GALNT8: variants seen among roughly 807,000 people sequenced by gnomAD.
GALNT8 encodes probable polypeptide N-acetylgalactosaminyltransferase 8.
A neutral mutation model predicts 62.7 loss-of-function variants in GALNT8; 66 were observed. That is an observed-to-expected ratio of 1.05 (90% CI 0.86 to 1.29). GALNT8 has a LOEUF of 1.29. GALNT8 is among the 50% of genes most tolerant of loss of function. GALNT8 has a pLI of 0.00. For missense variants in GALNT8, 771 were observed against 791.8 expected (o/e 0.97, Z 0.32); for synonymous variants, 288 against 294.3 (o/e 0.98, Z 0.22).
Position 4,772,606 on chromosome 12 carries a change from T to C in GALNT8, c.*9T>C, listed in dbSNP as rs368978709. ...AGACCAACAGCCAGTGATCCTCAGA[T>C]GGTGCTGGATCTGGGTCATCAATTC... On this transcript the variant is annotated 3_prime_UTR_variant, in exon 11 of 11. Coordinates refer to ENST00000252318, the MANE Select transcript of GALNT8 (RefSeq NM_017417.2). The C allele has an allele frequency of 1.6e-5, 26 of 1,607,698 alleles. No homozygotes were observed. The African/African-American group carries it at 2.9e-4, about 18-fold the overall frequency.
At chr12:4,748,253 G>C (rs1480945366) in intron 6 of GALNT8, among the ~76,000 whole-genome samples, 6 of 152,006 alleles carry the variant, frequency 3.9e-5, no homozygotes, top group African/African-American at 1.2e-4. Context: ...TGTTTGTATT[G>C]GTTGCCTGTG....
At chr12:4,760,781 A>T (rs1487156978) in intron 6 of GALNT8, among the ~76,000 whole-genome samples, 177 bp from the exon 7 acceptor site, 1 of 152,186 alleles carries the variant, frequency 6.6e-6, no homozygotes, top group Non-Finnish European at 1.5e-5. Context: ...AGTTCAGTAG[A>T]CTTCTAAGGA....
chr12:4,739,910 G>T (rs1161147433), intron 3 of GALNT8, among the ~76,000 whole-genome samples: 1 of 151,976 alleles, frequency 6.6e-6, no homozygotes, highest in African/African-American at 2.4e-5. Flanking sequence ...CTCGTGATCC[G>T]CCCGCCTCGG....
At chr12:4,758,637 TGAGA>T (rs60343127) in intron 6 of GALNT8, among the ~76,000 whole-genome samples, 108 of 59,716 alleles carry the variant, frequency 1.8e-3, no homozygotes, top group African/African-American at 2.6e-3. Flanking sequence ...TGTGTGTGTG[TGAGA>T]GAGAGAGAGA....
intron 6 of GALNT8, among the ~76,000 whole-genome samples, chr12:4,752,099 GGAAT>G (rs1216969261): frequency 2.6e-5 from 4 of 151,934 alleles, no homozygotes; most frequent in Non-Finnish European, 5.9e-5. Flanking sequence ...CCATTGGTAT[GGAAT>G]ATCTTTTTCC....
chr12:4,726,840 C>T lies in GALNT8; in HGVS notation c.509+11C>T, dbSNP rs779908797. On this transcript the variant is annotated intron_variant, in intron 2 of 10. Transcript: ENST00000252318. This position sits in a 1 kb window ranked among gnomAD's most constrained non-coding sequence, Gnocchi z 4.1. ...CACGCGAGACTACAGGTGGGATGAA[C>T]CAGGCTTGGGCTTCTAGGGTCCTCA... is the stretch of plus-strand genomic sequence containing the variant. 2 of 1,601,102 alleles carry T rather than the reference C, an allele frequency of 1.2e-6. No individual in the cohort carries two copies. The highest frequency in any genetic ancestry group is 1.1e-5 in the South Asian group (1 of 88,922).
chr12:4,753,333 C>T (rs1013949896), intron 6 of GALNT8, among the ~76,000 whole-genome samples: 2 of 152,244 alleles, frequency 1.3e-5, no homozygotes, highest in Non-Finnish European at 2.9e-5. Flanking sequence ...TTTCTAGATG[C>T]TGTAGGCGTG....
chr12:4,766,497 G>A (rs987124078), intron 10 of GALNT8, among the ~76,000 whole-genome samples: 4 of 152,178 alleles, frequency 2.6e-5, no homozygotes, highest in African/African-American at 9.7e-5. Flanking sequence ...CAGAGGGTGT[G>A]GAATACTATG....
chr12:4,769,103 C>G (rs1946412079), intron 10 of GALNT8, among the ~76,000 whole-genome samples: 1 of 152,114 alleles, frequency 6.6e-6, no homozygotes, highest in Non-Finnish European at 1.5e-5. Flanking sequence ...TAGTGTGCCA[C>G]TGAAATAAGG....
At position 4,720,813 on chromosome 12, in the gene GALNT8, C is replaced by T. The variant is rs753293598; in HGVS notation, c.136C>T (p.Pro46Ser). ...LFTGGLHREL[P>S]LHLNKRYGAV... ...TACGGGTGGTCTCCACAGGGAGCTT[C>T]CTTTACATCTGAATAAACGCTACGG... Residue 46 changes from proline (P) to serine (S), a missense_variant, in exon 1 of 11, where the codon CCT becomes TCT. Transcript: ENST00000252318. 1.9e-6 allele frequency: 3 copies of T among 1,612,066 alleles called. No homozygotes were observed. In the South Asian group the frequency reaches 3.3e-5, roughly 18 times the overall value.
At chr12:4,746,787 G>A (rs373041899) in intron 6 of GALNT8, among the ~76,000 whole-genome samples, 28 of 152,198 alleles carry the variant, frequency 1.8e-4, no homozygotes, top group Admixed American at 2.6e-4. Flanking sequence ...GGCCAGTTAC[G>A]GTGGCTCACA....
chr12:4,763,852 G>C (rs1387352465), intron 8 of GALNT8, 100 bp from the exon 9 acceptor site: 2 of 728,296 alleles, frequency 2.7e-6, no homozygotes, highest in East Asian at 5.1e-5. Flanking sequence ...GGTCGTTCCT[G>C]GTGTCCTCGG....
intron 6 of GALNT8, among the ~76,000 whole-genome samples, chr12:4,758,560 A>G (rs1404525224): frequency 1.3e-5 from 2 of 150,800 alleles, no homozygotes; most frequent in African/African-American, 4.9e-5. Context: ...TTAGGACAGC[A>G]TATGGCACAA....
In GALNT8 at chr12:4,765,391, C is replaced by T. The variant is rs1395176251; in HGVS notation, c.1606C>T (p.His536Tyr). ...TTTTTTTTTTTAGAATGTCTACTAT[C>T]ACCTAACTGGGGAGCTCTATGTGGG... is the stretch of plus-strand genomic sequence containing the variant. Reference protein sequence around the residue: ...HEFSSQNVYYHLTGELYVGQL... With the variant: ...HEFSSQNVYYYLTGELYVGQL... Residue 536 changes from histidine to tyrosine, a missense_variant, in exon 10 of 11, where the codon CAC (histidine) becomes TAC (tyrosine). Coordinates refer to ENST00000252318, the MANE Select transcript of GALNT8 (RefSeq NM_017417.2). 4.3e-6 allele frequency: 4 copies of T among 938,878 alleles called. No individual in the cohort carries two copies. Among genetic ancestry groups the T allele is most frequent in the Non-Finnish European group, 3.2e-6 (2 of 620,266 alleles). The allele number at this position is 938,878 out of a possible 1,614,324, so 58.2% of individuals were successfully genotyped here. A position where few individuals can be genotyped will look rare whatever the true frequency, so the allele number is the denominator to read the frequency against.
At chr12:4,762,031 T>C (rs900332483) in intron 7 of GALNT8, among the ~76,000 whole-genome samples, 2 of 152,170 alleles carry the variant, frequency 1.3e-5, no homozygotes, top group Admixed American at 6.5e-5. Context: ...ATTGTAAAAA[T>C]GTGCAGAAAT....
intron 4 of GALNT8, among the ~76,000 whole-genome samples, chr12:4,744,952 C>T (rs1160903421): frequency 1.3e-5 from 2 of 152,168 alleles, no homozygotes; most frequent in African/African-American, 4.8e-5. Flanking sequence ...TAAGTCACTT[C>T]ACTTAACTAG....
At chr12:4,770,860 C>T (rs562114343) in intron 10 of GALNT8, among the ~76,000 whole-genome samples, 2 of 152,098 alleles carry the variant, frequency 1.3e-5, no homozygotes, top group Admixed American at 6.5e-5. Context: ...CTTCTAATAT[C>T]GTGACATTTG....
At position 4,763,407 on chromosome 12, in the gene GALNT8, T is replaced by G. The variant is rs1342744307; in HGVS notation, c.1497+17T>G. ...TATGGAAGAGTATGTATTATGAAATTGCACTTTGGATTTTAAATGTTTGAC... is the reference window on the plus strand; with the variant it reads ...TATGGAAGAGTATGTATTATGAAATGGCACTTTGGATTTTAAATGTTTGAC... On this transcript the variant is annotated intron_variant, in intron 8 of 10. Transcript: ENST00000252318. 6.2e-6 allele frequency: 10 copies of G among 1,600,194 alleles called. No homozygotes were observed. The highest frequency in any genetic ancestry group is 8.5e-6 in the Non-Finnish European group (10 of 1,170,154).
At chr12:4,771,999 G>A (rs1215276669) in intron 10 of GALNT8, among the ~76,000 whole-genome samples, 1 of 152,198 alleles carries the variant, frequency 6.6e-6, no homozygotes, top group African/African-American at 2.4e-5. Context: ...TGAGATTCCT[G>A]ACTGTAGCTC....
Sources: allele counts gnomAD v4.1 joint callset (sites outside exome capture counted in the v4.1 genomes callset), GRCh38; gene constraint gnomAD v4.1.1; non-coding constraint Gnocchi (gnomAD v3.1); transcripts MANE v1.5; gene names NCBI Gene and HGNC (gene_info 2026-07-23, HGNC 2026-07-21).